The following LRRC1 variants were observed in gnomAD, a reference collection of about 807,000 sequenced individuals.
LRRC1 encodes the protein leucine-rich repeat-containing protein 1.
In LRRC1, 28 loss-of-function variants were observed where a neutral mutation model predicts 69.9. The observed-to-expected ratio is 0.40, with a 90% CI of 0.30 to 0.55. The LOEUF (loss-of-function observed/expected upper bound fraction) is 0.55. LRRC1 is among the 20% of genes least tolerant of loss of function. The pLI, the probability that LRRC1 is intolerant of heterozygous loss-of-function variation, is 0.47. For missense variants in LRRC1, 498 were observed against 609.0 expected, an observed-to-expected ratio of 0.82 and a Z score of 1.92; for synonymous variants, 236 against 240.2, an observed-to-expected ratio of 0.98 and a Z score of 0.16.
intron 12 of LRRC1, 102 bp from the exon 13 acceptor site, chr6:53,920,523 C>G: frequency 7.6e-7 from 1 of 1,319,104 alleles, no homozygotes; most frequent in South Asian, 1.3e-5. Flanking sequence ...TGTTCTACCC[C>G]TGGTCCTCCG....
intron 1 of LRRC1, among the ~76,000 whole-genome samples, chr6:53,826,197 CTTT>C (rs58959665): frequency 0.39 from 54,133 of 138,026 alleles, 10,527 homozygotes; most frequent in East Asian, 0.63. Flanking sequence ...ACATATCTGC[CTTT>C]TTTTTTTTTT....
chr6:53,905,382 C>G (rs1768201886), intron 10 of LRRC1: 1 of 149,678 alleles, frequency 6.7e-6, no homozygotes, highest in African/African-American at 2.5e-5. Context: ...AGAAGGCTTA[C>G]TTTCTATTGG....
intron 1 of LRRC1, among the ~76,000 whole-genome samples, chr6:53,811,852 C>T (rs1414118207): frequency 3.3e-5 from 5 of 152,214 alleles, no homozygotes; most frequent in South Asian, 4.1e-4. Flanking sequence ...CAGGCCCTGT[C>T]GATTGGGTGG....
intron 1 of LRRC1, among the ~76,000 whole-genome samples, chr6:53,823,509 A>G (rs1333023253): frequency 6.6e-6 from 1 of 152,106 alleles, no homozygotes; most frequent in Non-Finnish European, 1.5e-5. Context: ...ATTTTGTTTT[A>G]AACTTTTAAG....
intron 2 of LRRC1, among the ~76,000 whole-genome samples, chr6:53,873,843 A>G (rs1353849785): frequency 6.6e-6 from 1 of 152,174 alleles, no homozygotes; most frequent in African/African-American, 2.4e-5. Flanking sequence ...AAAAGCTTTC[A>G]ACTTTTCTTC....
intron 2 of LRRC1, among the ~76,000 whole-genome samples, chr6:53,861,470 G>A (rs1362696939): frequency 6.7e-6 from 1 of 149,652 alleles, no homozygotes; most frequent in East Asian, 1.9e-4. Flanking sequence ...ATTCCTTCTC[G>A]TCATCCTAGA....
chr6:53,830,443 CT>C (rs1203732183), intron 1 of LRRC1, among the ~76,000 whole-genome samples: 1 of 152,090 alleles, frequency 6.6e-6, no homozygotes, highest in Admixed American at 6.5e-5. Flanking sequence ...TAGGCCTTGT[CT>C]TTGTGGTTCT....
At chr6:53,915,929 A>G (rs946073102) in intron 11 of LRRC1, among the ~76,000 whole-genome samples, 2 of 152,214 alleles carry the variant, frequency 1.3e-5, no homozygotes, top group African/African-American at 4.8e-5. Context: ...GGGAAATCAT[A>G]CTAAATCATT....
chr6:53,857,248 A>G (rs1031761892), intron 2 of LRRC1, among the ~76,000 whole-genome samples: 3 of 152,310 alleles, frequency 2.0e-5, no homozygotes, highest in Admixed American at 6.5e-5. Context: ...ATGAGCTTGC[A>G]GAATATCCCT....
rs371948600 is a variant in LRRC1, at chr6:53,915,154, T to TA, written c.1106+1188dup. On this transcript the variant is annotated intron_variant, in intron 11 of 13. Transcript: ENST00000370888. ...CTTGGGGGAAGATTATCAATGATCT[T>TA]AAATGGTAAAGGCCAGCAGTCTAAA... Among the ~76,000 whole-genome samples, 466 of 152,252 alleles carry TA rather than the reference T, an allele frequency of 3.1e-3. 5 individuals carry two copies. Among genetic ancestry groups the TA allele is most frequent in the African/African-American group, 0.011 (442 of 41,554 alleles).
At chr6:53,842,375 A>G (rs556747304) in intron 2 of LRRC1, 148 bp downstream of exon 2, 3 of 591,536 alleles carry the variant, frequency 5.1e-6, no homozygotes, top group Admixed American at 2.7e-5. Context: ...AGCTTCATCC[A>G]TGTCCCAAAT....
chr6:53,824,144 C>G (rs895266633), intron 1 of LRRC1, among the ~76,000 whole-genome samples: 1 of 151,358 alleles, frequency 6.6e-6, no homozygotes, highest in Non-Finnish European at 1.5e-5. Context: ...TTTACAACCT[C>G]GCCAGCAGAT....
intron 13 of LRRC1, 76 bp downstream of exon 13, chr6:53,920,837 C>T: frequency 6.6e-7 from 1 of 1,519,000 alleles, no homozygotes; most frequent in Non-Finnish European, 9.1e-7. Context: ...TAAGGATATT[C>T]TTTATTTTCA....
chr6:53,883,163 T>G (rs987178745), intron 4 of LRRC1, among the ~76,000 whole-genome samples, 187 bp downstream of exon 4: 3 of 152,214 alleles, frequency 2.0e-5, no homozygotes, highest in Non-Finnish European at 2.9e-5. Flanking sequence ...TCCCTAAATT[T>G]TATTGGTTAA....
At chr6:53,804,700 C>T (rs1361159644) in intron 1 of LRRC1, among the ~76,000 whole-genome samples, 1 of 152,166 alleles carries the variant, frequency 6.6e-6, no homozygotes, top group Non-Finnish European at 1.5e-5. Context: ...ATGAGCCATG[C>T]TGAATTAAAA....
At chr6:53,867,970 A>AG (rs1274503664) in intron 2 of LRRC1, among the ~76,000 whole-genome samples, 6 of 151,738 alleles carry the variant, frequency 4.0e-5, no homozygotes, top group Admixed American at 3.9e-4. Flanking sequence ...AAAAAAAAAA[A>AG]ATTTTTTTGT....
chr6:53,891,258 T>G (rs922391255), intron 4 of LRRC1, among the ~76,000 whole-genome samples: 1 of 150,712 alleles, frequency 6.6e-6, no homozygotes, highest in African/African-American at 2.4e-5. Context: ...GAAAGTCATG[T>G]TTTTTTTTGG....
rs1768168978 is a variant in LRRC1, at chr6:53,904,480, A to T, written c.990+18A>T. The T allele has an allele frequency of 1.0e-5, 15 of 1,444,608 alleles. No individual in the cohort carries two copies. In the East Asian group the frequency reaches 3.4e-4, roughly 33 times the overall value. 89.5% of individuals were successfully genotyped at this position (1,444,608 alleles called of 1,614,324 possible). ...CAAAAGAGGTATGTGCTTTTAGAGA[A>T]ATCACATGATAATAATTATGAAGAA... On this transcript the variant is annotated intron_variant, in intron 10 of 13. Coordinates refer to ENST00000370888, the MANE Select transcript of LRRC1 (RefSeq NM_018214.5).
At chr6:53,842,072 CAT>C (rs1459645118) in intron 1 of LRRC1, 36 bp from the exon 2 acceptor site, 5 of 1,297,182 alleles carry the variant, frequency 3.9e-6, no homozygotes, top group African/African-American at 1.5e-5. Context: ...ATGATACAAA[CAT>C]ATGTGAAATC....
Sources: gnomAD v4.1 joint callset for allele counts (sites outside exome capture counted in the v4.1 genomes callset) on GRCh38, gnomAD v4.1.1 for gene constraint, MANE v1.5 for transcripts, NCBI Gene and HGNC (gene_info 2026-07-23, HGNC 2026-07-21) for gene names.